GRHL2: variants seen among roughly 807,000 people sequenced by gnomAD.
The protein encoded by GRHL2 is grainyhead-like protein 2 homolog.
Under a neutral mutation model 83.8 loss-of-function variants are expected in GRHL2, and 21 were observed. The ratio of observed to expected loss-of-function variants is 0.25; its 90% CI spans 0.18 to 0.36. The LOEUF (loss-of-function observed/expected upper bound fraction) is 0.36. GRHL2 is among the 10% of genes least tolerant of loss of function. The pLI is 1.00. For missense variants in GRHL2, 623 were observed against 781.8 expected, an observed-to-expected ratio of 0.80 and a Z score of 2.42; for synonymous variants, 280 against 278.9, an observed-to-expected ratio of 1.00 and a Z score of -0.04.
At chr8:101,549,677 C>G (rs937640140) in intron 2 of GRHL2, among the ~76,000 whole-genome samples, 5 of 152,178 alleles carry the variant, frequency 3.3e-5, no homozygotes, top group African/African-American at 1.2e-4. Flanking sequence ...CTCGTCTGGC[C>G]TTTGCTCATC....
chr8:101,674,098 G>GA (rs1814252684), downstream of GRHL2, among the ~76,000 whole-genome samples: 1 of 152,102 alleles, frequency 6.6e-6, no homozygotes, highest in South Asian at 2.1e-4. Flanking sequence ...GCCCACAAGA[G>GA]AAAGCAGGAA....
chr8:101,585,426 AC>A (rs1271694300), intron 7 of GRHL2, among the ~76,000 whole-genome samples: 1 of 152,226 alleles, frequency 6.6e-6, no homozygotes. Flanking sequence ...AATTAAAAAA[AC>A]AAAATCCAAG....
At chr8:101,560,341 T>A (rs1332638316) in intron 4 of GRHL2, among the ~76,000 whole-genome samples, 5 of 152,338 alleles carry the variant, frequency 3.3e-5, no homozygotes, top group Admixed American at 6.5e-5. Context: ...TTGCTTGTTT[T>A]AGTAGTTGTT....
chr8:101,644,967 C>G, intron 13 of GRHL2, among the ~76,000 whole-genome samples: 1 of 152,052 alleles, frequency 6.6e-6, no homozygotes, highest in East Asian at 1.9e-4. Context: ...CCCACCTCAG[C>G]CTCCTGAGCA....
chr8:101,548,045 T>C (rs1249155385), intron 2 of GRHL2, among the ~76,000 whole-genome samples: 1 of 152,250 alleles, frequency 6.6e-6, no homozygotes, highest in African/African-American at 2.4e-5. Flanking sequence ...CCAGCTGTAG[T>C]GAAAAATAGG....
chr8:101,543,700 T>A (rs1235883972), intron 2 of GRHL2: 1 of 479,544 alleles, frequency 2.1e-6, no homozygotes, highest in Non-Finnish European at 3.8e-6. Context: ...TATTTGCATA[T>A]TATTCTTACC....
At chr8:101,670,874 C>T (rs564797893), downstream of GRHL2, among the ~76,000 whole-genome samples, 1 of 152,296 alleles carries the variant, frequency 6.6e-6, no homozygotes, top group African/African-American at 2.4e-5. Flanking sequence ...TTGCCGTGTG[C>T]TGGAGAGAGA....
chr8:101,500,807 G>A (rs1350190303), intron 1 of GRHL2, among the ~76,000 whole-genome samples: 8 of 151,764 alleles, frequency 5.3e-5, no homozygotes, highest in Non-Finnish European at 1.2e-4. Context: ...CACCACGCCC[G>A]ACCGAAAGTG....
At chr8:101,573,973 T>C (rs777555970) in intron 6 of GRHL2, 149 bp downstream of exon 6, 116 of 875,494 alleles carry the variant, frequency 1.3e-4, no homozygotes, top group Non-Finnish European at 2.0e-4. Flanking sequence ...GCAAGAGCAC[T>C]TATTGGCTCG....
rs756893302 is a variant in GRHL2 at position 101,666,668 on chromosome 8, G to A, written c.1843G>A (p.Val615Met). The A allele has an allele frequency of 6.2e-7, 1 of 1,613,452 alleles. No homozygotes were observed. The highest frequency in any genetic ancestry group is 1.1e-5 in the South Asian group (1 of 91,050). Residue 615 changes from valine to methionine, a missense_variant, in exon 16 of 16, where the codon GTG becomes ATG. Physicochemically the swap from Val to Met is conservative, Grantham distance 21. Around this residue, in one of 8 missense-constraint regions of GRHL2, gnomAD observed 210 missense variants for 254.8 expected, o/e 0.82. Transcript: ENST00000646743. ...CTTCATCCTCAACATGGAGAGCATGGTGGAGGGCTTCAAGGTCACGCTCAT... is the reference window on the plus strand; with the variant it reads ...CTTCATCCTCAACATGGAGAGCATGATGGAGGGCTTCAAGGTCACGCTCAT... ...DTFILNMESM[V>M]EGFKVTLMEI
At chr8:101,637,307 C>A (rs1813308090) in intron 12 of GRHL2, among the ~76,000 whole-genome samples, 1 of 152,146 alleles carries the variant, frequency 6.6e-6, no homozygotes, top group African/African-American at 2.4e-5. Context: ...GAGCTTGAGG[C>A]AAGAGTCAAA....
intron 5 of GRHL2, among the ~76,000 whole-genome samples, chr8:101,572,842 G>A (rs1410715570): frequency 6.6e-6 from 1 of 152,118 alleles, no homozygotes; most frequent in Non-Finnish European, 1.5e-5. Context: ...ACTATTTAGA[G>A]CAGGGATCTG....
intron 6 of GRHL2, among the ~76,000 whole-genome samples, chr8:101,575,920 A>G (rs1811924104): frequency 6.6e-6 from 1 of 152,190 alleles, no homozygotes; most frequent in Admixed American, 6.5e-5. Context: ...CTGCTTGTGA[A>G]TTCGAAACGA....
At position 101,618,709 on chromosome 8, in the gene GRHL2, G is replaced by A. The variant is rs116209402; in HGVS notation, c.1099-830G>A. Among the ~76,000 whole-genome samples, 948 of 151,960 alleles carry A rather than the reference G, an allele frequency of 6.2e-3. 12 individuals carry two copies. The highest frequency in any genetic ancestry group is 0.021 in the African/African-American group (880 of 41,424). On this transcript the variant is annotated intron_variant, in intron 8 of 15. Transcript: ENST00000646743. ...TTATTGAGTGCTTATTTTCCTCCAG[G>A]CACTAGGTACCAGTAATACAAAAAT...
chr8:101,541,742 G>A (rs1478888423), intron 1 of GRHL2, among the ~76,000 whole-genome samples: 2 of 152,082 alleles, frequency 1.3e-5, no homozygotes, highest in Non-Finnish European at 2.9e-5. Flanking sequence ...TTTGATAGCC[G>A]AGCACCCAGC....
At chr8:101,589,469 C>CCAACATTCTTAAA (rs1812231702) in intron 7 of GRHL2, among the ~76,000 whole-genome samples, 2 of 152,098 alleles carry the variant, frequency 1.3e-5, no homozygotes, top group Non-Finnish European at 2.9e-5. Context: ...GTTTGTTAGT[C>CCAACATTCTTAAA]AAGACCAACA....
At chr8:101,506,598 T>C (rs1810345021) in intron 1 of GRHL2, among the ~76,000 whole-genome samples, 1 of 152,220 alleles carries the variant, frequency 6.6e-6, no homozygotes, top group African/African-American at 2.4e-5. Context: ...GTTTTGACTT[T>C]TCAGTATAAT....
intron 1 of GRHL2, among the ~76,000 whole-genome samples, chr8:101,517,227 C>T (rs931350269): frequency 2.6e-5 from 4 of 152,164 alleles, no homozygotes; most frequent in Non-Finnish European, 4.4e-5. Context: ...GAACTTCATC[C>T]GGGGCTTTCA....
chr8:101,556,339 G>A lies in GRHL2; in HGVS notation c.285-2080G>A, dbSNP rs570049249. On this transcript the variant is annotated intron_variant, in intron 3 of 15. Coordinates refer to ENST00000646743, the MANE Select transcript of GRHL2 (RefSeq NM_024915.4). ...AGAAAGCACATGCTAGATAAAAACA[G>A]AAACAAACAAACAACGCAGGCATCA... Among the ~76,000 whole-genome samples the A allele has an allele frequency of 7.2e-5, 11 of 152,208 alleles. No individual in the cohort carries two copies. The East Asian group carries it at 1.9e-3, about 27-fold the overall frequency.
Sources: allele counts gnomAD v4.1 joint callset (sites outside exome capture counted in the v4.1 genomes callset), GRCh38; gene constraint gnomAD v4.1.1; regional missense constraint gnomAD v4.1.1; transcripts MANE v1.5; gene names NCBI Gene and HGNC (gene_info 2026-07-23, HGNC 2026-07-21).